The following DCST2 variants were observed in gnomAD, a reference collection of about 807,000 sequenced individuals.
DCST2 encodes the protein DC-STAMP domain-containing protein 2.
In DCST2, 64 loss-of-function variants were observed where a neutral mutation model predicts 81.8. That is an observed-to-expected ratio of 0.78 (90% confidence interval 0.64 to 0.96). The LOEUF is 0.96. Ranked by LOEUF, DCST2 falls within the 40% of genes least tolerant of loss-of-function variation. The pLI, the probability that DCST2 is intolerant of heterozygous loss-of-function variation, is 0.00. For synonymous variants in DCST2, 354 were observed against 402.6 expected (o/e 0.88, Z 1.44); for missense variants, 945 against 1,001.4 (o/e 0.94, Z 0.76).
intron 10 of DCST2, among the ~76,000 whole-genome samples, 170 bp from the exon 11 acceptor site, chr1:155,024,772 A>T (rs1459220393): frequency 6.6e-6 from 1 of 152,204 alleles, no homozygotes; most frequent in Non-Finnish European, 1.5e-5. Flanking sequence ...GCCCAGGTGG[A>T]GTTACCACTC....
At position 155,033,130 on chromosome 1, in the gene DCST2, C is replaced by T. The variant is rs147724938; in HGVS notation, c.403G>A (p.Ala135Thr). ...CGAELALNQTAEVLQRAKQPL... is the reference protein window; with the variant it reads ...CGAELALNQTTEVLQRAKQPL... ...TGCTTGGCCCTCTGTAGCACTTCGG[C>T]GGTCTGGTTCAGGGCCAGCTCTGCC... Residue 135 changes from alanine to threonine, a missense_variant, in exon 2 of 15, where the codon GCC (alanine) becomes ACC (threonine). By Grantham distance (58) the Ala-to-Thr change is moderately conservative. Transcript: ENST00000368424. The T allele has an allele frequency of 4.1e-5, 66 of 1,599,136 alleles. No homozygotes were observed. The Admixed American group carries it at 7.5e-4, about 18-fold the overall frequency.
chr1:155,033,479 G>C lies in DCST2; in HGVS notation c.223C>G (p.Gln75Glu), dbSNP rs746035813. ...FLSLGMGFSR[Q>E]VRATVLLLLP... The stretch of plus-strand genomic sequence containing the variant: ...AGCAGGAGGACAGTGGCTCGGACCT[G>C]GCGAGAGAATCCCATGCCCAGGCTA... Residue 75 changes from glutamine (Q) to glutamate (E), a missense_variant, in exon 1 of 15, where the codon CAG (glutamine) becomes GAG (glutamate). Transcript: ENST00000368424. The C allele has an allele frequency of 1.1e-5, 18 of 1,613,960 alleles. No individual in the cohort carries two copies. The highest frequency in any genetic ancestry group is 2.2e-5 in the East Asian group (1 of 44,878).
chr1:155,031,432 A>G (rs1475672167), intron 4 of DCST2, 142 bp downstream of exon 4: 8 of 962,960 alleles, frequency 8.3e-6, no homozygotes, highest in Non-Finnish European at 1.2e-5. Context: ...CACCCCCAAT[A>G]CTGGTCCTAC....
At chr1:155,019,804 A>G (rs1027180132) in intron 14 of DCST2, among the ~76,000 whole-genome samples, 3 of 152,268 alleles carry the variant, frequency 2.0e-5, no homozygotes, top group Non-Finnish European at 2.9e-5. Flanking sequence ...AGCAATCATT[A>G]CAAGTTACAG....
chr1:155,025,313 G>C (rs1309939511), intron 10 of DCST2, among the ~76,000 whole-genome samples: 1 of 151,944 alleles, frequency 6.6e-6, no homozygotes, highest in Non-Finnish European at 1.5e-5. Flanking sequence ...CGATGGTGAG[G>C]GTTTTTTGTT....
At chr1:155,030,924 G>A (rs1272877943) in intron 5 of DCST2, 10 of 609,020 alleles carry the variant, frequency 1.6e-5, no homozygotes, top group Admixed American at 9.1e-5. Context: ...ATGTGGACAG[G>A]AGGCCCTGGT....
In DCST2 at chr1:155,032,298, CT is replaced by C. The variant is rs200368536; in HGVS notation, c.541+368del. Among the ~76,000 whole-genome samples, 723 of 141,862 alleles carry C rather than the reference CT, an allele frequency of 5.1e-3. 4 individuals carry two copies. Among genetic ancestry groups the C allele is most frequent in the African/African-American group, 0.017 (675 of 38,596 alleles). 93.1% of individuals were successfully genotyped at this position (141,862 alleles called of 152,430 possible). A position where few individuals can be genotyped will look rare whatever the true frequency, so the allele number is the denominator to read the frequency against. On this transcript the variant is annotated intron_variant, in intron 3 of 14. Transcript: ENST00000368424. ...TGAGCCACCGCACCTGGCCCCCCCG[CT>C]TTTTTTTTTCTTTAGAGATGGAGTC...
chr1:155,030,549 A>G lies in DCST2; in HGVS notation c.902T>C (p.Leu301Pro). 1 of 1,614,132 alleles carries G rather than the reference A, an allele frequency of 6.2e-7. No individual in the cohort carries two copies. The highest frequency in any genetic ancestry group is 1.1e-5 in the South Asian group (1 of 91,088). The change falls in exon 6 of 15, where the codon CTG (leucine) becomes CCG (proline). Residue 301 changes from leucine (L) to proline (P), a missense_variant. Coordinates refer to ENST00000368424, the MANE Select transcript of DCST2 (RefSeq NM_144622.3). The part of the protein sequence containing the change: ...FSVDLNASRS[L>P]SQVAMDLHEA... ...GTGGAGGTCCATGGCTACCTGGGAC[A>G]GGCTCCGAGAGGCATTGAGATCCAC...
Position 155,029,239 on chromosome 1 carries a change from C to T in DCST2, c.1336G>A (p.Ala446Thr). 6.2e-7 allele frequency: 1 copy of T among 1,613,238 alleles called. No homozygotes were observed. The highest frequency in any genetic ancestry group is 8.5e-7 in the Non-Finnish European group (1 of 1,179,758). Residue 446 changes from alanine (A) to threonine (T), a missense_variant, in exon 8 of 15, where the codon GCC (alanine) becomes ACC (threonine). By Grantham distance (58) the Ala-to-Thr change is moderately conservative (BLOSUM62 0). Transcript: ENST00000368424. Reference sequence around the variant, plus strand: ...CTGTCACGTAGGCACTCACTGCGGGCCACAATCTCCCCCTGCAGCTGGTGC... The same window carrying T: ...CTGTCACGTAGGCACTCACTGCGGGTCACAATCTCCCCCTGCAGCTGGTGC... Reference protein sequence around the residue: ...ARHQLQGEIVARSPVLVSLTV... With the variant: ...ARHQLQGEIVTRSPVLVSLTV...
intron 14 of DCST2, among the ~76,000 whole-genome samples, chr1:155,019,887 T>C (rs1334566863): frequency 6.6e-6 from 1 of 152,224 alleles, no homozygotes; most frequent in African/African-American, 2.4e-5. Flanking sequence ...CTTTGCACAC[T>C]TGCCACGGCA....
At chr1:155,025,162 A>G (rs944861205) in intron 10 of DCST2, among the ~76,000 whole-genome samples, 15 of 151,412 alleles carry the variant, frequency 9.9e-5, no homozygotes, top group African/African-American at 2.7e-4. Context: ...AAAAAAAAAA[A>G]AAAGAAAAGA....
chr1:155,026,412 C>A lies in DCST2; in HGVS notation c.1511-10G>T. 6.2e-7 allele frequency: 1 copy of A among 1,613,662 alleles called. No individual in the cohort carries two copies. The highest frequency in any genetic ancestry group is 8.5e-7 in the Non-Finnish European group (1 of 1,180,006). ...AGGCCATACATGACGCCTGGGAGCA[C>A]AGCAGCCACAGTCAGCCTCACCAGC... On this transcript the variant is annotated splice_polypyrimidine_tract_variant and intron_variant, in intron 9 of 14. Coordinates refer to ENST00000368424, the MANE Select transcript of DCST2 (RefSeq NM_144622.3).
intron 8 of DCST2, among the ~76,000 whole-genome samples, chr1:155,028,598 A>C (rs917384317): frequency 6.6e-6 from 1 of 151,758 alleles, no homozygotes; most frequent in African/African-American, 2.4e-5. Flanking sequence ...AAAAAGGCCA[A>C]GCATGGTGGC....
intron 14 of DCST2, 80 bp from the exon 15 acceptor site, chr1:155,018,840 A>G (rs2102329813): frequency 2.9e-6 from 4 of 1,369,294 alleles, no homozygotes; most frequent in Non-Finnish European, 4.0e-6. Context: ...GCCCTGCCCC[A>G]TCTGTTCAGA....
At chr1:155,029,727 A>C (rs1660013779) in intron 7 of DCST2, among the ~76,000 whole-genome samples, 2 of 151,136 alleles carry the variant, frequency 1.3e-5, no homozygotes, top group East Asian at 1.9e-4. Flanking sequence ...CCATATTAGC[A>C]CTTCCTGCCC....
intron 7 of DCST2, 25 bp downstream of exon 7, chr1:155,030,059 C>T (rs1434222359): frequency 6.2e-7 from 1 of 1,610,908 alleles, no homozygotes; most frequent in Non-Finnish European, 8.5e-7. Flanking sequence ...CTGGCTTGGG[C>T]TCTCCCTGTC....
At position 155,024,535 on chromosome 1, in the gene DCST2, C is replaced by T. The variant is rs368870199; in HGVS notation, c.1679G>A (p.Arg560Gln). The change falls in exon 11 of 15, where the codon CGA becomes CAA. Residue 560 changes from arginine (R) to glutamine (Q), a missense_variant. Transcript: ENST00000368424. The stretch of plus-strand genomic sequence containing the variant: ...GTCAGCCGCCCGCCGCCTCACTGAT[C>T]GGTGCAGGGCAGCCAACAGATTGGT... Reference protein sequence around the residue: ...RRTNLLAALHRSVRRRAADQG... With the variant: ...RRTNLLAALHQSVRRRAADQG... 9.3e-6 allele frequency: 15 copies of T among 1,608,152 alleles called. No homozygotes were observed. The highest frequency in any genetic ancestry group is 1.7e-5 in the Admixed American group (1 of 59,566).
chr1:155,033,136 G>A lies in DCST2; in HGVS notation c.397C>T (p.Gln133Ter). 1 of 1,605,458 alleles carries A rather than the reference G, an allele frequency of 6.2e-7. No individual in the cohort carries two copies. The highest frequency in any genetic ancestry group is 1.1e-5 in the South Asian group (1 of 89,796). The change falls in exon 2 of 15, where the codon CAG becomes TAG. Residue 133 changes from glutamine (Q) to a stop codon, truncating the protein, a stop_gained. Coordinates refer to ENST00000368424, the MANE Select transcript of DCST2 (RefSeq NM_144622.3). LOFTEE classifies it high-confidence loss of function. ...VACGAELALNQTAEVLQRAKQ... is the reference protein window; with the variant it reads ...VACGAELALN ...GCCCTCTGTAGCACTTCGGCGGTCTGGTTCAGGGCCAGCTCTGCCCCACAG... is the reference window on the plus strand; with the variant it reads ...GCCCTCTGTAGCACTTCGGCGGTCTAGTTCAGGGCCAGCTCTGCCCCACAG...
At chr1:155,026,517 G>T in intron 9 of DCST2, 31 bp downstream of exon 9, 1 of 1,613,074 alleles carries the variant, frequency 6.2e-7, no homozygotes, top group Non-Finnish European at 8.5e-7. Flanking sequence ...TGGTGTCCAC[G>T]CCCCCAGGGA....
Sources: allele counts gnomAD v4.1 joint callset (sites outside exome capture counted in the v4.1 genomes callset), GRCh38; gene constraint gnomAD v4.1.1; transcripts MANE v1.5; gene names NCBI Gene and HGNC (gene_info 2026-07-23, HGNC 2026-07-21).